The following KIRREL3 variants were observed in gnomAD, a reference collection of about 807,000 sequenced individuals.
The protein encoded by KIRREL3 is kirre like nephrin family adhesion molecule 3.
In KIRREL3, 36 loss-of-function variants were observed where a neutral mutation model predicts 89.7. The ratio of observed to expected loss-of-function variants is 0.40; its 90% CI spans 0.31 to 0.53. The LOEUF is 0.53. KIRREL3 is among the 20% of genes least tolerant of loss of function. The pLI is 0.49. For missense variants in KIRREL3, 864 were observed against 1,056.6 expected (o/e 0.82, Z 2.53); for synonymous variants, 445 against 441.4 (o/e 1.01, Z -0.10).
At chr11:126,672,268 T>C (rs1179465814) in intron 1 of KIRREL3, among the ~76,000 whole-genome samples, 1 of 152,140 alleles carries the variant, frequency 6.6e-6, no homozygotes, top group African/African-American at 2.4e-5. Context: ...GACTAGTGTG[T>C]ATATAAAGAC....
At chr11:126,884,772 T>C (rs946607538) in intron 1 of KIRREL3, among the ~76,000 whole-genome samples, 1 of 152,140 alleles carries the variant, frequency 6.6e-6, no homozygotes, top group Middle Eastern at 3.2e-3. Flanking sequence ...GAAGCAATGA[T>C]GTCATCTCTC....
In KIRREL3 at chr11:126,843,001, A is replaced by G. The variant is rs937642603; in HGVS notation, c.55+157454T>C. 6.6e-6 allele frequency among the ~76,000 whole-genome samples: 1 copy of G among 151,970 alleles called. No individual in the cohort carries two copies. The highest frequency in any genetic ancestry group is 1.9e-4 in the East Asian group (1 of 5,180). ...GGGCCTTTACTTGGTGCTGTGAGGA[A>G]CTTGTGAGTTCTGAGTTCATCTGAT... is the stretch of plus-strand genomic sequence containing the variant. On this transcript the variant is annotated intron_variant, in intron 1 of 16. Coordinates refer to ENST00000525144, the MANE Select transcript of KIRREL3 (RefSeq NM_032531.4). The surrounding 1 kb of genome is among the most constrained non-coding windows in gnomAD (Gnocchi z 4.6).
rs1944970760 is a variant in KIRREL3 at position 126,867,730 on chromosome 11, T to C, written c.55+132725A>G. Among the ~76,000 whole-genome samples, 1 of 152,232 alleles carries C rather than the reference T, an allele frequency of 6.6e-6. No homozygotes were observed. The highest frequency in any genetic ancestry group is 1.5e-5 in the Non-Finnish European group (1 of 68,042). On this transcript the variant is annotated intron_variant, in intron 1 of 16. Coordinates refer to ENST00000525144, the MANE Select transcript of KIRREL3 (RefSeq NM_032531.4). The surrounding 1 kb of genome is among the most constrained non-coding windows in gnomAD (Gnocchi z 4.7). ...AAGCTACATTCAGCTAGGATGTAAG[T>C]TGGCCAGAATCTGAACCCAGACTTT...
chr11:126,671,545 G>T (rs1206035150), intron 1 of KIRREL3, among the ~76,000 whole-genome samples: 1 of 152,112 alleles, frequency 6.6e-6, no homozygotes, highest in African/African-American at 2.4e-5. Flanking sequence ...TAAAACACTT[G>T]CATCTAAAAT....
In KIRREL3 at chr11:126,628,031, G is replaced by A. The variant is rs185488122; in HGVS notation, c.56-65119C>T. 1.6e-3 allele frequency among the ~76,000 whole-genome samples: 241 copies of A among 152,358 alleles called. 2 individuals are homozygous for A. Among genetic ancestry groups the A allele is most frequent in the African/African-American group, 5.2e-3 (215 of 41,582 alleles). ...GAAGTTTGTTGAGTGGTTCTAATGA[G>A]CAAATGACCTATACTATTCTGAAGG... On this transcript the variant is annotated intron_variant, in intron 1 of 16. Transcript: ENST00000525144. This position sits in a 1 kb window ranked among gnomAD's most constrained non-coding sequence, Gnocchi z 5.2.
rs1048985424 is a variant in KIRREL3 at position 126,454,883 on chromosome 11, T to A, written c.848+1466A>T. 3.3e-5 allele frequency among the ~76,000 whole-genome samples: 5 copies of A among 152,168 alleles called. No individual in the cohort carries two copies. Among genetic ancestry groups the A allele is most frequent in the Non-Finnish European group, 7.3e-5 (5 of 68,028 alleles). ...CAGGACAAATGGGTTTCATCCTATT[T>A]AAAAATATCCTTGGGGATAGGAACT... On this transcript the variant is annotated intron_variant, in intron 7 of 16. Coordinates refer to ENST00000525144, the MANE Select transcript of KIRREL3 (RefSeq NM_032531.4). This position sits in a 1 kb window ranked among gnomAD's most constrained non-coding sequence, Gnocchi z 5.8.
At position 126,995,530 on chromosome 11, in the gene KIRREL3, T is replaced by C. The variant is rs1183219850; in HGVS notation, c.55+4925A>G. ...CTGCAAAATAATGCCTATGCCCCTC[T>C]AGCCCCCTTAGCATCCCCCATCTAT... On this transcript the variant is annotated intron_variant, in intron 1 of 16. Transcript: ENST00000525144. The surrounding 1 kb of genome is among the most constrained non-coding windows in gnomAD (Gnocchi z 6.5). 1 of 353,284 alleles carries C rather than the reference T, an allele frequency of 2.8e-6. No homozygotes were observed. The highest frequency in any genetic ancestry group is 5.5e-6 in the Non-Finnish European group (1 of 180,286). The allele number at this position is 353,284 out of a possible 1,614,324, so 21.9% of individuals were successfully genotyped here.
In KIRREL3 at chr11:126,577,320, G is replaced by C. The variant is rs560321571; in HGVS notation, c.56-14408C>G. Among the ~76,000 whole-genome samples, 9 of 152,140 alleles carry C rather than the reference G, an allele frequency of 5.9e-5. No individual in the cohort carries two copies. The South Asian group carries it at 1.7e-3, about 28-fold the overall frequency. ...AGGACTTCTGCGCTCAGGTCAGGTC[G>C]ATGGGTGGGGGCAGAGACAAAACCC... is the stretch of plus-strand genomic sequence containing the variant. On this transcript the variant is annotated intron_variant, in intron 1 of 16. Coordinates refer to ENST00000525144, the MANE Select transcript of KIRREL3 (RefSeq NM_032531.4).
At chr11:126,915,249 G>T (rs751261229) in intron 1 of KIRREL3, among the ~76,000 whole-genome samples, 7 of 152,094 alleles carry the variant, frequency 4.6e-5, no homozygotes, top group Non-Finnish European at 8.8e-5. Context: ...ATCATTAAAA[G>T]ATTTTTGAGG....
chr11:126,450,391 GGGTA>G (rs1956004971), intron 7 of KIRREL3, among the ~76,000 whole-genome samples: 1 of 151,070 alleles, frequency 6.6e-6, no homozygotes, highest in African/African-American at 2.4e-5. Flanking sequence ...GTGTGAGTGT[GGGTA>G]TGTGTGAGTG....
rs1034989751 is a variant in KIRREL3, at chr11:126,946,264, T to C, written c.55+54191A>G. On this transcript the variant is annotated intron_variant, in intron 1 of 16. Coordinates refer to ENST00000525144, the MANE Select transcript of KIRREL3 (RefSeq NM_032531.4). The surrounding 1 kb of genome is among the most constrained non-coding windows in gnomAD (Gnocchi z 4.1). ...CAAAATGAGTGGTCATGCCCCAGACTGCGGCCTCCAGACTCTGCTACTAGC... is the reference window on the plus strand; with the variant it reads ...CAAAATGAGTGGTCATGCCCCAGACCGCGGCCTCCAGACTCTGCTACTAGC... Among the ~76,000 whole-genome samples, 1 of 152,182 alleles carries C rather than the reference T, an allele frequency of 6.6e-6. No homozygotes were observed. Among genetic ancestry groups the C allele is most frequent in the African/African-American group, 2.4e-5 (1 of 41,442 alleles).
rs10790856 is a variant in KIRREL3, at chr11:126,905,530, T to A, written c.55+94925A>T. Among the ~76,000 whole-genome samples the A allele has an allele frequency of 0.13, 19,177 of 151,942 alleles. 1,523 individuals carry two copies. Among genetic ancestry groups the A allele is most frequent in the East Asian group, 0.41 (2,098 of 5,140 alleles). On this transcript the variant is annotated intron_variant, in intron 1 of 16. Coordinates refer to ENST00000525144, the MANE Select transcript of KIRREL3 (RefSeq NM_032531.4). The surrounding 1 kb of genome is among the most constrained non-coding windows in gnomAD (Gnocchi z 5.0). ...GCATTTACTGTTCATCGCTCAGGGG[T>A]CAGAGGGTGGGGAGAGGGATCTTTC...
In KIRREL3 at chr11:126,860,204, T is replaced by C. The variant is rs1213083240; in HGVS notation, c.55+140251A>G. Among the ~76,000 whole-genome samples, 1 of 152,198 alleles carries C rather than the reference T, an allele frequency of 6.6e-6. No individual in the cohort carries two copies. ...GCATTTGTGATGTGCCCGTTGCTGGTACTTGGTGCTGGGAATATAAAAGAT... is the reference window on the plus strand; with the variant it reads ...GCATTTGTGATGTGCCCGTTGCTGGCACTTGGTGCTGGGAATATAAAAGAT... On this transcript the variant is annotated intron_variant, in intron 1 of 16. Transcript: ENST00000525144. This position sits in a 1 kb window ranked among gnomAD's most constrained non-coding sequence, Gnocchi z 4.6.
Position 126,587,250 on chromosome 11 carries a change from G to A in KIRREL3, c.56-24338C>T, listed in dbSNP as rs1011373018. On this transcript the variant is annotated intron_variant, in intron 1 of 16. Transcript: ENST00000525144. This position sits in a 1 kb window ranked among gnomAD's most constrained non-coding sequence, Gnocchi z 5.2. The stretch of plus-strand genomic sequence containing the variant: ...AGGGGACAGGGAGATGAAGACGGGG[G>A]CTGCAGAGCGTTCCAGGCTGTGGAG... 2.6e-5 allele frequency among the ~76,000 whole-genome samples: 4 copies of A among 152,172 alleles called. No individual in the cohort carries two copies. The highest frequency in any genetic ancestry group is 9.7e-5 in the African/African-American group (4 of 41,444).
chr11:126,679,510 A>T (rs1173514706), intron 1 of KIRREL3, among the ~76,000 whole-genome samples: 1 of 152,228 alleles, frequency 6.6e-6, no homozygotes, highest in Non-Finnish European at 1.5e-5. Flanking sequence ...TTTTAAGTGT[A>T]TAAGGTCACA....
intron 1 of KIRREL3, among the ~76,000 whole-genome samples, chr11:126,809,409 A>G (rs1951309295): frequency 6.6e-6 from 1 of 152,226 alleles, no homozygotes; most frequent in Admixed American, 6.5e-5. Context: ...CAGACAAGGA[A>G]CTGACCGTGC....
chr11:126,930,374 C>A (rs1250722911), intron 1 of KIRREL3, among the ~76,000 whole-genome samples: 1 of 152,130 alleles, frequency 6.6e-6, no homozygotes. Flanking sequence ...CTCACCCTTG[C>A]CTGTTGTGCC....
In KIRREL3 at chr11:126,508,901, T is replaced by C. The variant is rs11220525; in HGVS notation, c.433+12414A>G. ...AGTGGCAGCTCACCAGCGTCACCCT[T>C]GCCCTTCTCTCTTCTCTCCACTCGA... On this transcript the variant is annotated intron_variant, in intron 4 of 16. Coordinates refer to ENST00000525144, the MANE Select transcript of KIRREL3 (RefSeq NM_032531.4). The surrounding 1 kb of genome is among the most constrained non-coding windows in gnomAD (Gnocchi z 4.9). Among the ~76,000 whole-genome samples the C allele has an allele frequency of 0.44, 66,770 of 151,906 alleles. 17,500 individuals carry two copies. Among genetic ancestry groups the C allele is most frequent in the African/African-American group, 0.73 (30,287 of 41,410 alleles).
At chr11:126,815,192 C>G (rs979240665) in intron 1 of KIRREL3, among the ~76,000 whole-genome samples, 9 of 152,184 alleles carry the variant, frequency 5.9e-5, no homozygotes, top group African/African-American at 2.2e-4. Flanking sequence ...TTAGCTTTTA[C>G]AAGTTCATTT....
Sources: gnomAD v4.1 joint callset for allele counts (sites outside exome capture counted in the v4.1 genomes callset) on GRCh38, gnomAD v4.1.1 for gene constraint, Gnocchi (gnomAD v3.1) non-coding constraint, MANE v1.5 for transcripts, NCBI Gene and HGNC (gene_info 2026-07-23, HGNC 2026-07-21) for gene names.